Variants in CLDN10 observed in about 807,000 individuals in gnomAD.
CLDN10 encodes the protein claudin-10.
A neutral mutation model predicts 22.9 loss-of-function variants in CLDN10; 15 were observed. The ratio of observed to expected loss-of-function variants is 0.65; its 90% CI spans 0.44 to 1.01. The LOEUF is 1.01. CLDN10 is among the 50% of genes least tolerant of loss of function. The pLI is 0.00. For missense variants in CLDN10, 247 were observed against 287.8 expected, an observed-to-expected ratio of 0.86 and a Z score of 1.03; for synonymous variants, 114 against 111.4, an observed-to-expected ratio of 1.02 and a Z score of -0.15.
At chr13:95,481,590 C>T (rs201834896) in intron 1 of CLDN10, among the ~76,000 whole-genome samples, 1 of 152,274 alleles carries the variant, frequency 6.6e-6, no homozygotes, top group East Asian at 1.9e-4. Context: ...ATGAGAACAG[C>T]CACAGATGAT....
At chr13:95,471,548 G>A (rs76986943) in intron 1 of CLDN10, among the ~76,000 whole-genome samples, 2 of 150,090 alleles carry the variant, frequency 1.3e-5, no homozygotes, top group African/African-American at 4.9e-5. Flanking sequence ...CACCTCCAGG[G>A]TTCAAGTGAT....
In CLDN10 at chr13:95,552,784, T is replaced by G; in HGVS notation, c.31T>G (p.Phe11Val). The G allele has an allele frequency of 6.2e-7, 1 of 1,613,618 alleles. No individual in the cohort carries two copies. Among genetic ancestry groups the G allele is most frequent in the Non-Finnish European group, 8.5e-7 (1 of 1,179,908 alleles). Residue 11 changes from phenylalanine (F) to valine (V), a missense_variant, in exon 1 of 5, where the codon TTC becomes GTC. Physicochemically the swap from Phe to Val is conservative, Grantham distance 50. Transcript: ENST00000299339. ...TAGCACGGCTTCGGAGATCATCGCC[T>G]TCATGGTCTCCATCTCAGGCTGGGT... MASTASEIIAFMVSISGWVLV... is the reference protein window; with the variant it reads MASTASEIIAVMVSISGWVLV...
At chr13:95,439,693 TAATC>T (rs1047545290) in intron 1 of CLDN10, among the ~76,000 whole-genome samples, 2 of 152,180 alleles carry the variant, frequency 1.3e-5, no homozygotes, top group African/African-American at 2.4e-5. Flanking sequence ...CTTCCTGACC[TAATC>T]ACCTCCCAAA....
chr13:95,576,207 G>A (rs1029977343), intron 3 of CLDN10, among the ~76,000 whole-genome samples: 2 of 152,172 alleles, frequency 1.3e-5, no homozygotes, highest in African/African-American at 4.8e-5. Flanking sequence ...CCTGCACCCT[G>A]AGGAAGGAAC....
chr13:95,520,559 G>A (rs771749197), intron 1 of CLDN10, among the ~76,000 whole-genome samples: 2 of 152,144 alleles, frequency 1.3e-5, no homozygotes, highest in Non-Finnish European at 2.9e-5. Context: ...TTTTATTAGA[G>A]ATGGGATTTC....
chr13:95,517,401 C>T (rs182732735), intron 1 of CLDN10, among the ~76,000 whole-genome samples: 1 of 152,106 alleles, frequency 6.6e-6, no homozygotes, highest in African/African-American at 2.4e-5. Flanking sequence ...GAGAAGGGTG[C>T]AATCCAGGAA....
intron 1 of CLDN10, among the ~76,000 whole-genome samples, chr13:95,514,957 G>A (rs2043148236): frequency 6.6e-6 from 1 of 152,176 alleles, no homozygotes; most frequent in African/African-American, 2.4e-5. Flanking sequence ...ACAGATTTGA[G>A]ATACACTATG....
intron 3 of CLDN10, among the ~76,000 whole-genome samples, chr13:95,561,948 G>C (rs2043719312): frequency 6.8e-6 from 1 of 146,840 alleles, no homozygotes; most frequent in Non-Finnish European, 1.5e-5. Flanking sequence ...TTTTTTTTGA[G>C]ATGGAGTTTT....
At chr13:95,556,052 C>CTT (rs531808961) in intron 1 of CLDN10, among the ~76,000 whole-genome samples, 1 of 146,480 alleles carries the variant, frequency 6.8e-6, no homozygotes, top group Admixed American at 6.8e-5. Flanking sequence ...AATTTCTTTT[C>CTT]TTTTTTTTTT....
chr13:95,515,991 T>A (rs9524999), intron 1 of CLDN10, among the ~76,000 whole-genome samples: 127,958 of 151,514 alleles, frequency 0.84, 54,404 homozygotes, highest in East Asian at 0.96. Flanking sequence ...GGAGAATTGA[T>A]TGAACCCCAG....
chr13:95,531,162 C>T (rs1432310900), intron 1 of CLDN10, among the ~76,000 whole-genome samples: 2 of 152,162 alleles, frequency 1.3e-5, no homozygotes, highest in Middle Eastern at 3.4e-3. Flanking sequence ...TCATGATCTG[C>T]CCGCCTCAGC....
chr13:95,548,431 C>T (rs1198159403), upstream of CLDN10, among the ~76,000 whole-genome samples: 1 of 152,150 alleles, frequency 6.6e-6, no homozygotes, highest in Non-Finnish European at 1.5e-5. Context: ...TACAACTTCA[C>T]AGGTTGCCAA....
chr13:95,543,536 C>T (rs1348269900), intron 1 of CLDN10, among the ~76,000 whole-genome samples: 1 of 152,082 alleles, frequency 6.6e-6, no homozygotes, highest in African/African-American at 2.4e-5. Context: ...GAAAAAAATA[C>T]TGCATTTTCC....
At chr13:95,482,318 T>C (rs1167040171) in intron 1 of CLDN10, among the ~76,000 whole-genome samples, 1 of 152,174 alleles carries the variant, frequency 6.6e-6, no homozygotes, top group African/African-American at 2.4e-5. Context: ...GGAGGTTAGA[T>C]TTGGCCCAAA....
At chr13:95,563,978 A>G (rs1375409606) in intron 3 of CLDN10, among the ~76,000 whole-genome samples, 1 of 152,242 alleles carries the variant, frequency 6.6e-6, no homozygotes, top group Non-Finnish European at 1.5e-5. Flanking sequence ...TTCTAGGGAT[A>G]GCACTTCTCT....
chr13:95,501,300 C>T (rs1400492341), intron 1 of CLDN10, among the ~76,000 whole-genome samples: 2 of 152,114 alleles, frequency 1.3e-5, no homozygotes, highest in African/African-American at 2.4e-5. Context: ...AGGCGTGAGC[C>T]ACCACATCCA....
intron 1 of CLDN10, among the ~76,000 whole-genome samples, chr13:95,476,295 A>G (rs1279657052): frequency 1.3e-5 from 2 of 152,130 alleles, no homozygotes; most frequent in East Asian, 3.9e-4. Flanking sequence ...ACAGAAATGT[A>G]TTTCCCACGG....
Position 95,552,730 on chromosome 13 carries a change from G to T in CLDN10, c.-24G>T, listed in dbSNP as rs2043581255. The T allele has an allele frequency of 1.3e-6, 2 of 1,598,692 alleles. No individual in the cohort carries two copies. The highest frequency in any genetic ancestry group is 1.3e-5 in the African/African-American group (1 of 74,530). ...CGCGGCGCAGAGTGGGAGCCGGAGA[G>T]CGAGCGCGGCTGCAGCCGGCGGCAT... On this transcript the variant is annotated 5_prime_UTR_variant, in exon 1 of 5. Transcript: ENST00000299339.
chr13:95,558,169 C>T (rs530337340), intron 1 of CLDN10, among the ~76,000 whole-genome samples: 6 of 152,194 alleles, frequency 3.9e-5, no homozygotes, highest in Admixed American at 1.3e-4. Context: ...CCACACTGTC[C>T]GAGTAGCCCT....
Sources: allele counts gnomAD v4.1 joint callset (sites outside exome capture counted in the v4.1 genomes callset), GRCh38; gene constraint gnomAD v4.1.1; transcripts MANE v1.5; gene names NCBI Gene and HGNC (gene_info 2026-07-23, HGNC 2026-07-21).